Variants in ZNF385A observed in about 807,000 individuals in gnomAD.
ZNF385A encodes the protein hematopoietic zinc finger protein.
In ZNF385A, 14 loss-of-function variants were observed where a neutral mutation model predicts 32.1. The ratio of observed to expected loss-of-function variants is 0.44; its 90% CI spans 0.29 to 0.68. ZNF385A has a LOEUF of 0.68. Ranked by LOEUF, ZNF385A falls within the 30% of genes least tolerant of loss-of-function variation. The pLI is 0.14. For missense variants in ZNF385A, 406 were observed against 478.4 expected, an observed-to-expected ratio of 0.85 and a Z score of 1.41; for synonymous variants, 197 against 202.7, an observed-to-expected ratio of 0.97 and a Z score of 0.24.
chr12:54,371,605 C>G lies in ZNF385A; in HGVS notation c.472G>C (p.Gly158Arg). The G allele has an allele frequency of 6.2e-7, 1 of 1,613,436 alleles. No individual in the cohort carries two copies. Among genetic ancestry groups the G allele is most frequent in the East Asian group, 2.2e-5 (1 of 44,864 alleles). ...AAGGAAGCCGGGGCTGGAGTCCCCC[C>G]TTCACCCTTGGTTACACCCTGACCA... ...ETGQGVTKGE[G>R]GTPAPASLPG... is the part of the protein sequence containing the mutation. Residue 158 changes from glycine (G) to arginine (R), a missense_variant, in exon 4 of 7, where the codon GGG (glycine) becomes CGG (arginine). Coordinates refer to ENST00000394313, the MANE Select transcript of ZNF385A (RefSeq NM_015481.3).
upstream of ZNF385A, chr12:54,385,172 G>C (rs553773061): frequency 3.4e-4 from 52 of 152,582 alleles, no homozygotes; most frequent in Non-Finnish European, 6.9e-4. Context: ...GAACTACCTA[G>C]GCCATTCTCA....
chr12:54,386,441 GAT>G (rs1955487144), upstream of ZNF385A, among the ~76,000 whole-genome samples: 1 of 152,120 alleles, frequency 6.6e-6, no homozygotes, highest in Non-Finnish European at 1.5e-5. Context: ...CAGCGAGAAA[GAT>G]AAAAGAGAAG....
intron 2 of ZNF385A, among the ~76,000 whole-genome samples, chr12:54,374,865 A>G (rs1044551801): frequency 3.3e-4 from 50 of 152,274 alleles, no homozygotes; most frequent in African/African-American, 1.2e-3. Context: ...GGTCCAAGCT[A>G]AAGCAGAGGC....
chr12:54,381,026 T>C lies in ZNF385A; in HGVS notation c.87+3402A>G, dbSNP rs1023211002. Among the ~76,000 whole-genome samples the C allele has an allele frequency of 3.9e-5, 6 of 151,990 alleles. No homozygotes were observed. In the South Asian group the frequency reaches 8.3e-4, roughly 21 times the overall value. ...TCCTGGCCAACATGGTGAAGCCCTG[T>C]CTCTACTAAAAATACAAAAATTAGC... On this transcript the variant is annotated intron_variant, in intron 1 of 6. Transcript: ENST00000394313.
intron 3 of ZNF385A, among the ~76,000 whole-genome samples, chr12:54,373,361 C>A (rs1292818154): frequency 6.6e-6 from 1 of 152,052 alleles, no homozygotes; most frequent in Non-Finnish European, 1.5e-5. Context: ...TCTCAATATT[C>A]CTGCTTTCCA....
chr12:54,386,123 T>C (rs1305057465), upstream of ZNF385A, among the ~76,000 whole-genome samples: 3 of 151,844 alleles, frequency 2.0e-5, no homozygotes, highest in Non-Finnish European at 4.4e-5. Flanking sequence ...GTATGCTTTG[T>C]GTCTATTCCC....
Position 54,370,415 on chromosome 12 carries a change from C to T in ZNF385A, c.942G>A (p.Val314=). The change falls in exon 7 of 7, where the codon GTG becomes GTA. Residue 314 remains valine (V), a synonymous_variant. Coordinates refer to ENST00000394313, the MANE Select transcript of ZNF385A (RefSeq NM_015481.3). This position sits in a 1 kb window ranked among gnomAD's most constrained non-coding sequence, Gnocchi z 5.5. Reference sequence around the variant, plus strand: ...CTGCTGCCGCTGCCATCACTGCAGCCACCGCCAGGGGGCTGGGGAGCAGGC... The same window carrying T: ...CTGCTGCCGCTGCCATCACTGCAGCTACCGCCAGGGGGCTGGGGAGCAGGC... The part of the protein sequence containing the change: ...AGGLLPSPLA[V]AAVMAAAAGS... 2.6e-6 allele frequency: 4 copies of T among 1,544,508 alleles called. No individual in the cohort carries two copies. The highest frequency in any genetic ancestry group is 2.6e-6 in the Non-Finnish European group (3 of 1,143,340).
At chr12:54,374,890 G>C (rs1305249199) in intron 2 of ZNF385A, among the ~76,000 whole-genome samples, 1 of 152,148 alleles carries the variant, frequency 6.6e-6, no homozygotes, top group Non-Finnish European at 1.5e-5. Flanking sequence ...TGCTGGGTTA[G>C]TCCTGTCTTC....
chr12:54,374,178 C>A (rs774190893), intron 2 of ZNF385A, 43 bp from the exon 3 acceptor site: 1 of 1,422,434 alleles, frequency 7.0e-7, no homozygotes, highest in East Asian at 2.5e-5. Flanking sequence ...GATCACCTTT[C>A]ATCTGACCGA....
upstream of ZNF385A, among the ~76,000 whole-genome samples, chr12:54,389,305 G>A (rs1955577012): frequency 2.0e-5 from 3 of 152,324 alleles, no homozygotes; most frequent in South Asian, 6.2e-4. Flanking sequence ...GGACCTAAGT[G>A]TTCAGAACTG....
chr12:54,374,417 C>G (rs1157540777), intron 2 of ZNF385A, among the ~76,000 whole-genome samples: 2 of 151,994 alleles, frequency 1.3e-5, no homozygotes, highest in Non-Finnish European at 2.9e-5. Context: ...CCCACCTAGT[C>G]CTGGTAGAGA....
Position 54,370,071 on chromosome 12 carries a change from T to C in ZNF385A, c.*185A>G, listed in dbSNP as rs1243606405. The C allele has an allele frequency of 6.3e-6, 3 of 474,294 alleles. No individual in the cohort carries two copies. Among genetic ancestry groups the C allele is most frequent in the East Asian group, 3.5e-5 (1 of 28,868 alleles). 29.4% of individuals were successfully genotyped at this position (474,294 alleles called of 1,614,324 possible). A position where few individuals can be genotyped will look rare whatever the true frequency, so the allele number is the denominator to read the frequency against. On this transcript the variant is annotated 3_prime_UTR_variant, in exon 7 of 7. Transcript: ENST00000394313. The surrounding 1 kb of genome is among the most constrained non-coding windows in gnomAD (Gnocchi z 5.5). ...CGGGGTTCCCTGAGATCTGGGGTGTTCCCCCCCTTCTGAAGCCCCCCTCCC... is the reference window on the plus strand; with the variant it reads ...CGGGGTTCCCTGAGATCTGGGGTGTCCCCCCCCTTCTGAAGCCCCCCTCCC...
At chr12:54,391,295 T>C in exon 1 of ZNF385A, 1 of 1,286,550 alleles carries the variant, frequency 7.8e-7, no homozygotes, top group Non-Finnish European at 9.9e-7. Flanking sequence ...CCGGGGGCCG[T>C]TCTGGCCGGG....
chr12:54,387,899 G>T (rs1459602372), upstream of ZNF385A, among the ~76,000 whole-genome samples: 2 of 152,130 alleles, frequency 1.3e-5, no homozygotes, highest in Admixed American at 1.3e-4. Context: ...GGTAGATCTG[G>T]AAGGGGAGGA....
chr12:54,382,671 C>T (rs1379436531), intron 1 of ZNF385A, among the ~76,000 whole-genome samples: 1 of 152,118 alleles, frequency 6.6e-6, no homozygotes, highest in African/African-American at 2.4e-5. Context: ...ATGCTCAATA[C>T]ATGTTTATGG....
chr12:54,371,019 T>G lies in ZNF385A; in HGVS notation c.682A>C (p.Thr228Pro), dbSNP rs1443213701. The G allele has an allele frequency of 1.2e-6, 2 of 1,613,860 alleles. No individual in the cohort carries two copies. Among genetic ancestry groups the G allele is most frequent in the African/African-American group, 2.7e-5 (2 of 74,844 alleles). ...GCAGGAGCCTCTGGTTCCCCCGGGG[T>G]GGGAGGCCCCAGCCGAGGGTAAGCT... ...IKAYPRLGPP[T>P]PGEPEAPAQD... is the part of the protein sequence containing the mutation. Residue 228 changes from threonine to proline, a missense_variant, in exon 5 of 7, where the codon ACC becomes CCC. Coordinates refer to ENST00000394313, the MANE Select transcript of ZNF385A (RefSeq NM_015481.3).
rs1954502141 is a variant in ZNF385A, at chr12:54,370,807, C to T, written c.775-86G>A. 2 of 1,595,028 alleles carry T rather than the reference C, an allele frequency of 1.3e-6. No individual in the cohort carries two copies. The highest frequency in any genetic ancestry group is 1.7e-6 in the Non-Finnish European group (2 of 1,171,280). ...ATAATCAAGCTCCAAGCACCGGCCC[C>T]CTCCCATCTGGCCCCCTGGGGAAAA... On this transcript the variant is annotated intron_variant, in intron 5 of 6. Transcript: ENST00000394313. This position sits in a 1 kb window ranked among gnomAD's most constrained non-coding sequence, Gnocchi z 5.5.
At chr12:54,388,404 C>T (rs1434180271), upstream of ZNF385A, among the ~76,000 whole-genome samples, 1 of 152,180 alleles carries the variant, frequency 6.6e-6, no homozygotes, top group African/African-American at 2.4e-5. Context: ...TTTCCCTCTT[C>T]CCTAGAAATT....
At chr12:54,379,290 C>A in intron 1 of ZNF385A, 1 of 699,866 alleles carries the variant, frequency 1.4e-6, no homozygotes, top group Non-Finnish European at 1.8e-6. Flanking sequence ...GGGACAGGGA[C>A]AGGGACAGGG....
Sources: allele counts gnomAD v4.1 joint callset (sites outside exome capture counted in the v4.1 genomes callset), GRCh38; gene constraint gnomAD v4.1.1; non-coding constraint Gnocchi (gnomAD v3.1); transcripts MANE v1.5; gene names NCBI Gene and HGNC (gene_info 2026-07-23, HGNC 2026-07-21).